Variants in EDA observed in about 807,000 individuals in gnomAD.
EDA encodes the protein ectodysplasin-A.
EDA carries 2 observed loss-of-function variants against 23.6 expected under a neutral mutation model. The ratio of observed to expected loss-of-function variants is 0.08; its 90% CI spans 0.03 to 0.27. The LOEUF (loss-of-function observed/expected upper bound fraction) is 0.27, where lower values mean the gene tolerates loss of function less well. EDA is among the 10% of genes least tolerant of loss of function. EDA has a pLI of 1.00. For synonymous variants in EDA, 131 were observed against 132.0 expected (o/e 0.99, Z 0.05); for missense variants, 229 against 324.2 (o/e 0.71, Z 2.26).
At chrX:69,838,471 C>CA (rs1446911258) in intron 1 of EDA, among the ~76,000 whole-genome samples, 1 of 110,458 alleles carries the variant, frequency 9.1e-6, no homozygotes, top group Non-Finnish European at 1.9e-5. Context: ...ACTAAATATA[C>CA]AAAAAATTAG....
chrX:69,998,410 A>G (rs1412490488), intron 2 of EDA, among the ~76,000 whole-genome samples: 3 of 112,141 alleles, frequency 2.7e-5, no homozygotes, highest in Non-Finnish European at 5.6e-5. Context: ...TGTACTGTAC[A>G]CTTATTGTAT....
At chrX:69,664,355 A>G (rs1169580374) in intron 1 of EDA, among the ~76,000 whole-genome samples, 2 of 111,621 alleles carry the variant, frequency 1.8e-5, no homozygotes, top group Admixed American at 9.5e-5. Flanking sequence ...TGATGATTTT[A>G]TAAAGGGGAG....
At chrX:69,693,713 C>G (rs1005032766) in intron 1 of EDA, among the ~76,000 whole-genome samples, 2 of 111,846 alleles carry the variant, frequency 1.8e-5, no homozygotes, top group African/African-American at 6.5e-5. Flanking sequence ...TTCATGACAC[C>G]TTATTCAATT....
chrX:69,849,102 C>T lies in EDA; in HGVS notation c.397-107925C>T, dbSNP rs977347783. Among the ~76,000 whole-genome samples the T allele has an allele frequency of 1.9e-4, 17 of 89,613 alleles. No individual in the cohort carries two copies. The South Asian group carries it at 2.3e-3, about 12-fold the overall frequency. The allele number at this position is 89,613 out of a possible 115,157, so 77.8% of individuals were successfully genotyped here. On this transcript the variant is annotated intron_variant, in intron 1 of 7. Transcript: ENST00000374552. ...CTATATACACACACACACACACACACACACACACACACACACACACACACA... is the reference window on the plus strand; with the variant it reads ...CTATATACACACACACACACACACATACACACACACACACACACACACACA...
At position 69,910,374 on chromosome X, in the gene EDA, A is replaced by AGAGAGAGTGTGT. The variant is rs1191245556; in HGVS notation, c.397-46652_397-46651insAGAGAGTGTGTG. On this transcript the variant is annotated intron_variant, in intron 1 of 7. Transcript: ENST00000374552. ...AGGAGAGAGAGAGAGAGAGAGAGAG[A>AGAGAGAGTGTGT]GTGTGTGTGTGTGTGTGTGTGTGTG... Among the ~76,000 whole-genome samples the AGAGAGAGTGTGT allele has an allele frequency of 3.5e-3, 147 of 41,745 alleles. 2 individuals are homozygous for AGAGAGAGTGTGT. The East Asian group carries it at 0.036, about 10-fold the overall frequency. The allele number at this position is 41,745 out of a possible 115,157, so 36.3% of individuals were successfully genotyped here.
At chrX:69,797,654 C>T (rs904075573) in intron 1 of EDA, among the ~76,000 whole-genome samples, 2 of 111,361 alleles carry the variant, frequency 1.8e-5, no homozygotes, top group Non-Finnish European at 3.8e-5. Context: ...ATAAACCTCA[C>T]TGGTAAAGCA....
chrX:69,681,822 C>G (rs9717969), intron 1 of EDA, among the ~76,000 whole-genome samples: 2 of 110,305 alleles, frequency 1.8e-5, no homozygotes, highest in African/African-American at 6.6e-5. Context: ...TCTCTCAGCT[C>G]GTCAAAGTCA....
chrX:69,777,961 T>A (rs1442441312), intron 1 of EDA, among the ~76,000 whole-genome samples: 1 of 111,612 alleles, frequency 9.0e-6, no homozygotes, highest in African/African-American at 3.2e-5. Context: ...AGACAGGGAT[T>A]CTTGTAGATA....
intron 1 of EDA, among the ~76,000 whole-genome samples, chrX:69,953,990 C>A (rs1005406950): frequency 4.5e-5 from 5 of 111,323 alleles, no homozygotes; most frequent in African/African-American, 1.6e-4. Context: ...GTATATTTAT[C>A]AAATCTCTTC....
intron 1 of EDA, among the ~76,000 whole-genome samples, chrX:69,951,621 G>A (rs1283447451): frequency 2.7e-5 from 3 of 111,488 alleles, no homozygotes; most frequent in Non-Finnish European, 3.8e-5. Context: ...CCATGAAATA[G>A]AAAATGAATT....
intron 1 of EDA, among the ~76,000 whole-genome samples, chrX:69,702,384 G>C (rs1347841161): frequency 9.0e-6 from 1 of 110,840 alleles, no homozygotes; most frequent in Non-Finnish European, 1.9e-5. Context: ...GGAGAGGGCG[G>C]TGGGGGAGGA....
intron 7 of EDA, 144 bp from the exon 8 acceptor site, chrX:70,035,214 C>A: frequency 1.5e-6 from 1 of 677,121 alleles, no homozygotes; most frequent in Non-Finnish European, 2.2e-6. Flanking sequence ...TGTTGGCCAG[C>A]TAGCACGCCT....
At chrX:69,943,241 A>G (rs889335200) in intron 1 of EDA, among the ~76,000 whole-genome samples, 6 of 111,179 alleles carry the variant, frequency 5.4e-5, no homozygotes, top group African/African-American at 2.0e-4. Context: ...GTGGATATTC[A>G]TCGATGTCTG....
At chrX:69,755,797 G>A (rs938280383) in intron 1 of EDA, among the ~76,000 whole-genome samples, 1 of 112,511 alleles carries the variant, frequency 8.9e-6, no homozygotes, top group Non-Finnish European at 1.9e-5. Flanking sequence ...CTGCCACCTT[G>A]CAGTTCGATC....
intron 1 of EDA, among the ~76,000 whole-genome samples, chrX:69,847,384 T>C (rs113793482): frequency 0.016 from 1,800 of 111,274 alleles, 44 homozygotes; most frequent in African/African-American, 0.056. Context: ...TCCATATACA[T>C]GCATATTTAT....
chrX:69,752,304 C>T (rs920879377), intron 1 of EDA, among the ~76,000 whole-genome samples: 3 of 111,615 alleles, frequency 2.7e-5, no homozygotes, highest in African/African-American at 9.8e-5. Flanking sequence ...TGAATTTTGT[C>T]GAAGGCCTTT....
chrX:69,754,163 A>C (rs886516648), intron 1 of EDA, among the ~76,000 whole-genome samples: 4 of 111,991 alleles, frequency 3.6e-5, no homozygotes, highest in African/African-American at 1.3e-4. Flanking sequence ...TCTTCCTAGC[A>C]TTGATGGTCT....
chrX:69,752,019 C>G (rs1301609435), intron 1 of EDA, among the ~76,000 whole-genome samples: 2 of 111,028 alleles, frequency 1.8e-5, no homozygotes, highest in African/African-American at 6.6e-5. Flanking sequence ...ATGTCATCTG[C>G]AAACAGGGAC....
intron 1 of EDA, among the ~76,000 whole-genome samples, chrX:69,793,548 TTTTG>T (rs796850294): frequency 7.0e-5 from 7 of 100,052 alleles, no homozygotes; most frequent in Non-Finnish European, 7.9e-5. Flanking sequence ...GAATGGAGCT[TTTTG>T]TTTGTTTGTT....
Sources: allele counts gnomAD v4.1 joint callset (sites outside exome capture counted in the v4.1 genomes callset), GRCh38; gene constraint gnomAD v4.1.1; transcripts MANE v1.5; gene names NCBI Gene and HGNC (gene_info 2026-07-23, HGNC 2026-07-21).